CCT3: variants seen among roughly 807,000 people sequenced by gnomAD.
CCT3 encodes the protein T-complex protein 1 subunit gamma.
Under a neutral mutation model 65.3 loss-of-function variants are expected in CCT3, and 10 were observed. That is an observed-to-expected ratio of 0.15 (90% CI 0.09 to 0.26). The LOEUF (loss-of-function observed/expected upper bound fraction) is 0.26. Ranked by LOEUF, CCT3 falls within the 10% of genes least tolerant of loss-of-function variation. CCT3 has a pLI of 1.00. For missense variants in CCT3, 626 were observed against 708.7 expected, an observed-to-expected ratio of 0.88 and a Z score of 1.33; for synonymous variants, 225 against 242.3, an observed-to-expected ratio of 0.93 and a Z score of 0.66.
At chr1:156,322,704 A>C (rs1314301327) in intron 6 of CCT3, among the ~76,000 whole-genome samples, 2 of 151,904 alleles carry the variant, frequency 1.3e-5, no homozygotes, top group African/African-American at 2.4e-5. Context: ...TACTAAAAAT[A>C]CAAAATTAGC....
rs751451098 is a variant in CCT3 at position 156,318,874 on chromosome 1, T to C, written c.753A>G (p.Glu251=). 3 of 1,612,120 alleles carry C rather than the reference T, an allele frequency of 1.9e-6. No individual in the cohort carries two copies. The highest frequency in any genetic ancestry group is 1.3e-5 in the African/African-American group (1 of 74,932). Residue 251 remains glutamate (E), a synonymous_variant, in exon 8 of 14, where the codon GAA becomes GAG. Coordinates refer to ENST00000295688, the MANE Select transcript of CCT3 (RefSeq NM_005998.5). ...ACAAGGCCAAGAACCTTACCTGGCT[T>C]TCTCCTTTCTTGTATTCCAGAGAAG... ...LDSSLEYKKG[E]SQTDIEITRE...
rs1665263050 is a variant in CCT3, at chr1:156,334,793, GTTATAT to G, written c.145-24_145-19del. On this transcript the variant is annotated intron_variant, in intron 3 of 13. Coordinates refer to ENST00000295688, the MANE Select transcript of CCT3 (RefSeq NM_005998.5). Reference sequence around the variant, plus strand: ...AAAAGCATCTAAGATGAAAGCAAAAGTTATATTTAAAGTGTCCTAGATAACAGGAAG... The same window carrying G: ...AAAAGCATCTAAGATGAAAGCAAAAGTTAAAGTGTCCTAGATAACAGGAAG... 6.2e-7 allele frequency: 1 copy of G among 1,613,828 alleles called. No homozygotes were observed. Among genetic ancestry groups the G allele is most frequent in the African/African-American group, 1.3e-5 (1 of 74,900 alleles).
At position 156,312,102 on chromosome 1, in the gene CCT3, T is replaced by C. The variant is rs1664107944; in HGVS notation, c.1094A>G (p.Asp365Gly). Residue 365 changes from aspartate to glycine, a missense_variant, in exon 11 of 14, where the codon GAC becomes GGC. Transcript: ENST00000295688. Reference protein sequence around the residue: ...IGDEYFTFITDCKDPKACTIL... With the variant: ...IGDEYFTFITGCKDPKACTIL... The stretch of plus-strand genomic sequence containing the variant: ...GGTGCAGGCCTTGGGGTCTTTGCAG[T>C]CAGTGATGAAAGTAAAGTATTCATC... 1.9e-6 allele frequency: 3 copies of C among 1,613,994 alleles called. No homozygotes were observed. The highest frequency in any genetic ancestry group is 2.5e-6 in the Non-Finnish European group (3 of 1,179,980).
chr1:156,335,688 T>C (rs1489676718), intron 2 of CCT3, 139 bp downstream of exon 2: 1 of 616,244 alleles, frequency 1.6e-6, no homozygotes, highest in East Asian at 2.8e-5. Flanking sequence ...ATCAGGAAAA[T>C]GTTCTGAAAG....
chr1:156,316,058 C>T lies in CCT3; in HGVS notation c.974+1108G>A, dbSNP rs147403147. Among the ~76,000 whole-genome samples, 445 of 148,842 alleles carry T rather than the reference C, an allele frequency of 3.0e-3. 2 individuals are homozygous for T. Among genetic ancestry groups the T allele is most frequent in the African/African-American group, 0.01 (416 of 40,738 alleles). On this transcript the variant is annotated intron_variant, in intron 10 of 13. Coordinates refer to ENST00000295688, the MANE Select transcript of CCT3 (RefSeq NM_005998.5). ...GTAAGTAGAGTTGGCCCTCTATATC[C>T]GCAGGTCCCGCATCCAGATTCCACC...
chr1:156,314,465 A>G (rs1051165095), intron 10 of CCT3, among the ~76,000 whole-genome samples: 2 of 152,190 alleles, frequency 1.3e-5, no homozygotes, highest in Non-Finnish European at 2.9e-5. Context: ...CTGTAATCCC[A>G]GCACTTTGGG....
At chr1:156,324,843 G>A (rs1454722863) in intron 6 of CCT3, 129 bp downstream of exon 6, 3 of 629,280 alleles carry the variant, frequency 4.8e-6, no homozygotes, top group Non-Finnish European at 8.7e-6. Context: ...TGGCCAGGAT[G>A]GTTTCCATCT....
rs759169806 is a variant in CCT3, at chr1:156,311,199, G to C, written c.1156-4C>G. ...CCTGGAGGTTGCGTTCTACTTCCTT[G>C]GAGAAGCAAACAGACAGTATGAAGC... On this transcript the variant is annotated splice_polypyrimidine_tract_variant and splice_region_variant and intron_variant, in intron 11 of 13. Coordinates refer to ENST00000295688, the MANE Select transcript of CCT3 (RefSeq NM_005998.5). The C allele has an allele frequency of 8.7e-6, 14 of 1,613,086 alleles. No homozygotes were observed. The African/African-American group carries it at 1.9e-4, about 22-fold the overall frequency.
intron 8 of CCT3, among the ~76,000 whole-genome samples, chr1:156,318,287 G>A (rs1350774030): frequency 6.8e-6 from 1 of 147,866 alleles, no homozygotes; most frequent in African/African-American, 2.5e-5. Flanking sequence ...TCAGTGGCGT[G>A]ATCACAGCTC....
At chr1:156,323,624 C>T (rs1160690295) in intron 6 of CCT3, among the ~76,000 whole-genome samples, 5 of 151,792 alleles carry the variant, frequency 3.3e-5, no homozygotes, top group African/African-American at 1.2e-4. Flanking sequence ...GCCACCACGC[C>T]CGGCTTATTT....
chr1:156,310,368 C>T (rs899254645), intron 13 of CCT3, among the ~76,000 whole-genome samples, 190 bp downstream of exon 13: 1 of 152,086 alleles, frequency 6.6e-6, no homozygotes, highest in Non-Finnish European at 1.5e-5. Context: ...GTGGTGCATG[C>T]CTGTAGCCCC....
chr1:156,335,907 C>A lies in CCT3; in HGVS notation c.32-19G>T, dbSNP rs1558275618. The A allele has an allele frequency of 6.2e-6, 10 of 1,610,800 alleles. No homozygotes were observed. The highest frequency in any genetic ancestry group is 8.5e-6 in the Non-Finnish European group (10 of 1,177,106). On this transcript the variant is annotated intron_variant, in intron 1 of 13. Transcript: ENST00000295688. The stretch of plus-strand genomic sequence containing the variant: ...TTCTGGCCTAAAATAGACAAAAACA[C>A]AAGTCAACAGCCCAGGACTGCCCCA...
chr1:156,315,488 C>T (rs1664271150), intron 10 of CCT3, among the ~76,000 whole-genome samples: 1 of 152,188 alleles, frequency 6.6e-6, no homozygotes, highest in South Asian at 2.1e-4. Context: ...GGATTACAGG[C>T]ATGAGCCACC....
intron 5 of CCT3, among the ~76,000 whole-genome samples, chr1:156,328,605 A>C (rs1161921752): frequency 1.3e-5 from 2 of 151,754 alleles, no homozygotes; most frequent in Non-Finnish European, 2.9e-5. Context: ...CTCAGGGTTA[A>C]ATGGATTAAG....
In CCT3 at chr1:156,333,568, T is replaced by C; in HGVS notation, c.283A>G (p.Thr95Ala). ...TTACCAAGAATAATTACTGATGTGG[T>C]CCCATCTCCAACCTCTTCATCCTGG... is the stretch of plus-strand genomic sequence containing the variant. ...RTQDEEVGDG[T>A]TSVIILAGEM... The change falls in exon 5 of 14, where the codon ACC (threonine) becomes GCC (alanine). Residue 95 changes from threonine (T) to alanine (A), a missense_variant. Thr to Ala is a moderately conservative substitution (Grantham distance 58). Transcript: ENST00000295688. 1 of 1,613,836 alleles carries C rather than the reference T, an allele frequency of 6.2e-7. No individual in the cohort carries two copies.
intron 11 of CCT3, 135 bp from the exon 12 acceptor site, chr1:156,311,330 AC>A (rs1481637092): frequency 6.6e-6 from 5 of 758,822 alleles, no homozygotes; most frequent in Admixed American, 5.2e-5. Context: ...TGGAACCCCT[AC>A]TGGGCAGGGC....
At chr1:156,312,008 C>A (rs777897876) in intron 11 of CCT3, 33 bp downstream of exon 11, 16 of 1,561,326 alleles carry the variant, frequency 1.0e-5, no homozygotes, top group Non-Finnish European at 1.3e-5. Context: ...CAGTGATCTA[C>A]TTCATCTGGT....
At chr1:156,327,887 C>T (rs1664898801) in intron 5 of CCT3, among the ~76,000 whole-genome samples, 2 of 146,210 alleles carry the variant, frequency 1.4e-5, no homozygotes, top group East Asian at 2.0e-4. Context: ...GTGGGGAGCA[C>T]CTCTGCCCCA....
At chr1:156,337,852 G>T in intron 1 of CCT3, 1 of 487,614 alleles carries the variant, frequency 2.1e-6, no homozygotes, top group Non-Finnish European at 3.7e-6. Flanking sequence ...AGGCTAGAAA[G>T]GGCGCAGGGG....
Sources: allele counts gnomAD v4.1 joint callset (sites outside exome capture counted in the v4.1 genomes callset), GRCh38; gene constraint gnomAD v4.1.1; transcripts MANE v1.5; gene names NCBI Gene and HGNC (gene_info 2026-07-23, HGNC 2026-07-21).